Variants in TBC1D22A observed in about 807,000 individuals in gnomAD.
TBC1D22A encodes TBC1 domain family member 22A.
Under a neutral mutation model 60.2 loss-of-function variants are expected in TBC1D22A, and 38 were observed. The observed-to-expected ratio is 0.63, with a 90% CI of 0.49 to 0.83. The LOEUF is 0.83. Ranked by LOEUF, TBC1D22A falls within the 40% of genes least tolerant of loss-of-function variation. TBC1D22A has a pLI of 0.00. For missense variants in TBC1D22A, 628 were observed against 701.0 expected, an observed-to-expected ratio of 0.90 and a Z score of 1.18; for synonymous variants, 302 against 281.7, an observed-to-expected ratio of 1.07 and a Z score of -0.72.
intron 8 of TBC1D22A, among the ~76,000 whole-genome samples, chr22:46,951,522 A>G (rs1054938514): frequency 3.3e-5 from 5 of 152,206 alleles, no homozygotes; most frequent in Admixed American, 1.3e-4. Context: ...GTGATGGGAC[A>G]TCTGCACGGA....
At chr22:47,137,134 C>A (rs116965691) in intron 12 of TBC1D22A, among the ~76,000 whole-genome samples, 1 of 152,194 alleles carries the variant, frequency 6.6e-6, no homozygotes, top group African/African-American at 2.4e-5. Context: ...AGCCCTGGAT[C>A]TGTACGGTGT....
intron 12 of TBC1D22A, chr22:47,117,177 A>G (rs1412883686): frequency 6.5e-6 from 1 of 154,036 alleles, no homozygotes; most frequent in African/African-American, 2.4e-5. Flanking sequence ...CAGCTAGAAT[A>G]TAAGCAGCCA....
chr22:46,878,348 A>AGAGAGAAGGAGGTGAGAGGGAG (rs1569164122), intron 4 of TBC1D22A, among the ~76,000 whole-genome samples: 1 of 3,688 alleles, frequency 2.7e-4, no homozygotes, highest in African/African-American at 1.1e-3. Flanking sequence ...GTGGGAGGGA[A>AGAGAGAAGGAGGTGAGAGGGAG]GGAGGCCAGT....
Position 46,865,680 on chromosome 22 carries a change from G to T in TBC1D22A, c.638-12973G>T, listed in dbSNP as rs143388847. On this transcript the variant is annotated intron_variant, in intron 4 of 12. Coordinates refer to ENST00000337137, the MANE Select transcript of TBC1D22A (RefSeq NM_014346.5). ...TTCCCCTGCACAGGCATGTCCACAG[G>T]GGGTAATAAGACCACACGTGTGCGT... Among the ~76,000 whole-genome samples the T allele has an allele frequency of 3.5e-3, 528 of 152,310 alleles. 1 individual carries two copies. The highest frequency in any genetic ancestry group is 0.012 in the African/African-American group (505 of 41,554).
At chr22:46,948,314 G>A (rs937334755) in intron 8 of TBC1D22A, among the ~76,000 whole-genome samples, 1 of 152,194 alleles carries the variant, frequency 6.6e-6, no homozygotes, top group Admixed American at 6.5e-5. Flanking sequence ...GCAAGACTTT[G>A]TTAAAGAAAC....
At chr22:47,104,345 T>G (rs932794837) in intron 11 of TBC1D22A, among the ~76,000 whole-genome samples, 5 of 151,510 alleles carry the variant, frequency 3.3e-5, no homozygotes, top group Admixed American at 2.6e-4. Context: ...TAGCTAGATT[T>G]TTTTCTTCCA....
At chr22:46,957,567 C>T (rs375920296) in intron 8 of TBC1D22A, among the ~76,000 whole-genome samples, 50 of 152,340 alleles carry the variant, frequency 3.3e-4, no homozygotes, top group African/African-American at 1.2e-3. Flanking sequence ...TCCCTGAACA[C>T]GTGGGGATTA....
chr22:46,883,789 G>A (rs1032356348), intron 5 of TBC1D22A, among the ~76,000 whole-genome samples: 10 of 152,192 alleles, frequency 6.6e-5, no homozygotes, highest in African/African-American at 2.4e-4. Flanking sequence ...ACCCATCATT[G>A]GCCAGGCTCT....
At chr22:46,812,579 C>T (rs929107856) in intron 4 of TBC1D22A, among the ~76,000 whole-genome samples, 3 of 152,216 alleles carry the variant, frequency 2.0e-5, no homozygotes, top group African/African-American at 4.8e-5. Context: ...TGCCGCCTTT[C>T]TGCTGGCTGT....
intron 9 of TBC1D22A, among the ~76,000 whole-genome samples, chr22:46,981,231 A>G (rs570992821): frequency 1.1e-4 from 16 of 150,606 alleles, no homozygotes; most frequent in African/African-American, 4.0e-4. Context: ...CTGCACATGT[A>G]CATAAGTATG....
intron 9 of TBC1D22A, among the ~76,000 whole-genome samples, chr22:46,989,056 C>T (rs544123115): frequency 2.3e-4 from 35 of 152,334 alleles, no homozygotes; most frequent in Admixed American, 1.6e-3. Flanking sequence ...GCTATGGAGA[C>T]GGCTTCTTTC....
chr22:46,939,232 C>T (rs2071842023), intron 8 of TBC1D22A, among the ~76,000 whole-genome samples: 1 of 152,144 alleles, frequency 6.6e-6, no homozygotes, highest in Admixed American at 6.5e-5. Flanking sequence ...GAGCAGCTCT[C>T]TAGATGCTAA....
chr22:46,993,914 C>T (rs539559912), intron 9 of TBC1D22A, among the ~76,000 whole-genome samples: 2 of 152,338 alleles, frequency 1.3e-5, no homozygotes, highest in South Asian at 4.1e-4. Context: ...GACCGACCCC[C>T]CTGTGTCTTA....
intron 4 of TBC1D22A, among the ~76,000 whole-genome samples, chr22:46,810,529 G>A (rs1339619036): frequency 3.3e-5 from 5 of 151,974 alleles, no homozygotes; most frequent in Non-Finnish European, 7.4e-5. Flanking sequence ...TTTATTATGA[G>A]GGTCAAAATG....
At chr22:47,131,934 C>A (rs566060123) in intron 12 of TBC1D22A, among the ~76,000 whole-genome samples, 1 of 152,360 alleles carries the variant, frequency 6.6e-6, no homozygotes, top group African/African-American at 2.4e-5. Context: ...CGTGGCAGCA[C>A]CTCCCAAACT....
chr22:46,913,280 C>T (rs1009977892), intron 8 of TBC1D22A: 3 of 1,313,930 alleles, frequency 2.3e-6, no homozygotes, highest in African/African-American at 3.0e-5. Flanking sequence ...TTTTGTCTTC[C>T]TGCAAGCCTT....
intron 8 of TBC1D22A, among the ~76,000 whole-genome samples, chr22:46,942,755 C>T (rs1051976584): frequency 1.4e-4 from 22 of 152,114 alleles, no homozygotes; most frequent in African/African-American, 5.3e-4. Flanking sequence ...ATCAGGCTTT[C>T]TATTACTTTG....
chr22:46,774,742 C>T (rs568684357), intron 1 of TBC1D22A, among the ~76,000 whole-genome samples: 5 of 152,236 alleles, frequency 3.3e-5, no homozygotes, highest in South Asian at 2.1e-4. Flanking sequence ...TTCGGGGCCC[C>T]TGATATTTCT....
chr22:46,851,341 C>T (rs773551278), intron 4 of TBC1D22A, among the ~76,000 whole-genome samples: 2 of 152,178 alleles, frequency 1.3e-5, no homozygotes, highest in Non-Finnish European at 2.9e-5. Flanking sequence ...GGTTCAAACC[C>T]GGGCTGGGGC....
Sources: allele counts gnomAD v4.1 joint callset (sites outside exome capture counted in the v4.1 genomes callset), GRCh38; gene constraint gnomAD v4.1.1; transcripts MANE v1.5; gene names NCBI Gene and HGNC (gene_info 2026-07-23, HGNC 2026-07-21).